HMGXB3: variants seen among roughly 807,000 people sequenced by gnomAD.
HMGXB3 encodes HMG domain-containing protein 3.
A neutral mutation model predicts 121.5 loss-of-function variants in HMGXB3; 45 were observed. The ratio of observed to expected loss-of-function variants is 0.37; its 90% CI spans 0.29 to 0.47. The LOEUF is 0.47. Ranked by LOEUF, HMGXB3 falls within the 20% of genes least tolerant of loss-of-function variation. The pLI is 0.99. For missense variants in HMGXB3, 1,376 were observed against 1,602.2 expected (o/e 0.86, Z 2.41); for synonymous variants, 590 against 624.1 (o/e 0.95, Z 0.81).
chr5:150,029,894 G>C (rs1036355394), intron 9 of HMGXB3, among the ~76,000 whole-genome samples: 2 of 152,184 alleles, frequency 1.3e-5, no homozygotes, highest in Non-Finnish European at 2.9e-5. Context: ...GAAGGTATCT[G>C]GTTAGCGTCG....
In HMGXB3 at chr5:150,032,599, C is replaced by T; in HGVS notation, c.1979C>T (p.Ala660Val). 1.3e-6 allele frequency: 2 copies of T among 1,552,270 alleles called. No homozygotes were observed. Among genetic ancestry groups the T allele is most frequent in the Non-Finnish European group, 1.7e-6 (2 of 1,147,112 alleles). The change falls in exon 11 of 20, where the codon GCT (alanine) becomes GTT (valine). Residue 660 changes from alanine to valine, a missense_variant. Around this residue, in one of 2 missense-constraint regions of HMGXB3, gnomAD observed 1,116 missense variants for 1,369.0 expected, o/e 0.82. Coordinates refer to ENST00000502717, the MANE Select transcript of HMGXB3 (RefSeq NM_014983.3). Reference sequence around the variant, plus strand: ...GACCGGACTGAGAAAACCACCAAGGCTATCGTGAGTTCCTTCCCCCAAACA... The same window carrying T: ...GACCGGACTGAGAAAACCACCAAGGTTATCGTGAGTTCCTTCCCCCAAACA... Reference protein sequence around the residue: ...AKDRTEKTTKAIEVSSPLPDV... With the variant: ...AKDRTEKTTKVIEVSSPLPDV...
At chr5:150,012,208 T>C in intron 4 of HMGXB3, 47 bp from the exon 5 acceptor site, 1 of 1,386,898 alleles carries the variant, frequency 7.2e-7, no homozygotes, top group Non-Finnish European at 1.0e-6. Context: ...TGGGTGTTCT[T>C]TATTACTCTG....
chr5:150,051,823 G>T lies in HMGXB3; in HGVS notation c.3510G>T (p.Arg1170=), dbSNP rs1290144618. 6.5e-7 allele frequency: 1 copy of T among 1,549,460 alleles called. No homozygotes were observed. ...IQHPVTKTAT[R]RIVHAGLQPN... is the part of the protein sequence containing the mutation. ...ACCCAGTCACCAAGACTGCCACGCG[G>T]CGCATCGTCCATGCAGGCCTACAGC... The change falls in exon 20 of 20, where the codon CGG becomes CGT. Residue 1170 remains arginine, a synonymous_variant. Coordinates refer to ENST00000502717, the MANE Select transcript of HMGXB3 (RefSeq NM_014983.3).
Position 150,011,822 on chromosome 5 carries a change from G to A in HMGXB3, c.811-433G>A, listed in dbSNP as rs527805332. ...ACATAGGGTTTCACCACGTTGGCCA[G>A]GCTGGTCTTGAACTCCTGACCTCAG... is the stretch of plus-strand genomic sequence containing the variant. On this transcript the variant is annotated intron_variant, in intron 4 of 19. Coordinates refer to ENST00000502717, the MANE Select transcript of HMGXB3 (RefSeq NM_014983.3). Among the ~76,000 whole-genome samples the A allele has an allele frequency of 9.9e-5, 15 of 152,074 alleles. No homozygotes were observed. The South Asian group carries it at 1.2e-3, about 13-fold the overall frequency.
At chr5:150,040,672 C>T in intron 13 of HMGXB3, 76 bp from the exon 14 acceptor site, 1 of 1,449,196 alleles carries the variant, frequency 6.9e-7, no homozygotes, top group Non-Finnish European at 9.2e-7. Context: ...GCCACCGCAC[C>T]CAGCTGGTGT....
intron 1 of HMGXB3, among the ~76,000 whole-genome samples, chr5:150,004,328 C>T (rs1250439826): frequency 6.6e-6 from 1 of 152,164 alleles, no homozygotes; most frequent in East Asian, 1.9e-4. Flanking sequence ...CACAAGCTGG[C>T]AGAGTATAAA....
At position 150,032,553 on chromosome 5, in the gene HMGXB3, T is replaced by C; in HGVS notation, c.1933T>C (p.Cys645Arg). The change falls in exon 11 of 20, where the codon TGT becomes CGT. Residue 645 changes from cysteine to arginine, a missense_variant. Coordinates refer to ENST00000502717, the MANE Select transcript of HMGXB3 (RefSeq NM_014983.3). ...NRHKPRICPS[C>R]GVNLAKDRTE... is the part of the protein sequence containing the mutation. ...GCACAAACCTCGAATTTGTCCCAGCTGTGGTGTTAACCTTGCCAAAGACCG... is the reference window on the plus strand; with the variant it reads ...GCACAAACCTCGAATTTGTCCCAGCCGTGGTGTTAACCTTGCCAAAGACCG... 6.4e-7 allele frequency: 1 copy of C among 1,552,276 alleles called. No homozygotes were observed. Among genetic ancestry groups the C allele is most frequent in the Non-Finnish European group, 8.7e-7 (1 of 1,147,106 alleles).
chr5:150,017,154 C>T (rs1755978246), intron 5 of HMGXB3, among the ~76,000 whole-genome samples: 1 of 152,148 alleles, frequency 6.6e-6, no homozygotes, highest in African/African-American at 2.4e-5. Flanking sequence ...ACTGAAACGT[C>T]ATCCTTGAAC....
At chr5:150,032,626 A>G (rs1177763377) in intron 11 of HMGXB3, 23 bp downstream of exon 11, 2 of 1,551,854 alleles carry the variant, frequency 1.3e-6, no homozygotes, top group African/African-American at 1.4e-5. Context: ...CCCCAAACAC[A>G]TCCCCTGGCC....
chr5:150,047,125 C>T (rs1319376505), intron 16 of HMGXB3, among the ~76,000 whole-genome samples: 1 of 151,968 alleles, frequency 6.6e-6, no homozygotes, highest in Non-Finnish European at 1.5e-5. Context: ...AACTTCTGAC[C>T]TCAGATAATC....
Position 150,012,359 on chromosome 5 carries a change from T to TA in HMGXB3, c.909+7dup, listed in dbSNP as rs1286570066. On this transcript the variant is annotated splice_region_variant and intron_variant, in intron 5 of 19. Transcript: ENST00000502717. ...ACCCCACCTCCATCAAACTGGTCAGTACTGTATGTGGGGGATTGATGGCAA... is the reference window on the plus strand; with the variant it reads ...ACCCCACCTCCATCAAACTGGTCAGTAACTGTATGTGGGGGATTGATGGCAA... The TA allele has an allele frequency of 3.2e-6, 5 of 1,541,608 alleles. No homozygotes were observed. The highest frequency in any genetic ancestry group is 1.4e-5 in the African/African-American group (1 of 72,842).
intron 15 of HMGXB3, among the ~76,000 whole-genome samples, chr5:150,043,266 A>G (rs1756679715): frequency 6.6e-6 from 1 of 152,176 alleles, no homozygotes; most frequent in Non-Finnish European, 1.5e-5. Context: ...AAAATCCCAT[A>G]GATTACTTTT....
chr5:150,030,682 G>A (rs1756351023), intron 9 of HMGXB3, 59 bp from the exon 10 acceptor site: 1 of 1,272,916 alleles, frequency 7.9e-7, no homozygotes. Flanking sequence ...TTCAGGACAT[G>A]GGAGCTCAGG....
intron 19 of HMGXB3, 103 bp downstream of exon 19, chr5:150,050,564 C>G: frequency 1.2e-6 from 1 of 852,086 alleles, no homozygotes; most frequent in South Asian, 1.6e-5. Context: ...TCACTGCAAC[C>G]TCTGCCTCCC....
In HMGXB3 at chr5:150,002,465, AGGT is replaced by A. The variant is rs771962596; in HGVS notation, c.-3+1288_-3+1290del. ...ATTTGTGGAGTGAGGTCTAAATGAG[AGGT>A]GTGTGGGCTTTGTACTGCACGTATC... is the stretch of plus-strand genomic sequence containing the variant. On this transcript the variant is annotated intron_variant, in intron 1 of 19. Transcript: ENST00000502717. Among the ~76,000 whole-genome samples, 24 of 152,260 alleles carry A rather than the reference AGGT, an allele frequency of 1.6e-4. No individual in the cohort carries two copies. The East Asian group carries it at 4.4e-3, about 28-fold the overall frequency.
Position 150,036,957 on chromosome 5 carries a change from GC to G in HMGXB3, c.2285+24del. 6.5e-7 allele frequency: 1 copy of G among 1,535,618 alleles called. No homozygotes were observed. Among genetic ancestry groups the G allele is most frequent in the Non-Finnish European group, 8.8e-7 (1 of 1,138,272 alleles). On this transcript the variant is annotated intron_variant, in intron 12 of 19. Coordinates refer to ENST00000502717, the MANE Select transcript of HMGXB3 (RefSeq NM_014983.3). ...ACAAAAGTAAGCACCCCTTAACTCTGCCCCTAGCTACCCCATCCCATTTGGC... is the reference window on the plus strand; with the variant it reads ...ACAAAAGTAAGCACCCCTTAACTCTGCCCTAGCTACCCCATCCCATTTGGC...
At chr5:150,034,904 T>A (rs995801812) in intron 11 of HMGXB3, among the ~76,000 whole-genome samples, 1 of 152,198 alleles carries the variant, frequency 6.6e-6, no homozygotes. Context: ...ACACACAGCC[T>A]CTCGGGGCAG....
intron 7 of HMGXB3, among the ~76,000 whole-genome samples, chr5:150,025,480 TG>T (rs1276149438): frequency 6.7e-6 from 1 of 148,956 alleles, no homozygotes; most frequent in Non-Finnish European, 1.5e-5. Flanking sequence ...TATGTATGTG[TG>T]TGTGTGTATA....
In HMGXB3 at chr5:150,052,071, A is replaced by G. The variant is rs571487140; in HGVS notation, c.3758A>G (p.Gln1253Arg). Residue 1253 changes from glutamine to arginine, a missense_variant, in exon 20 of 20, where the codon CAG becomes CGG. Physicochemically the swap from Gln to Arg is conservative, Grantham distance 43. This residue lies in a region of HMGXB3 where 260 missense variants were observed against 233.2 expected (regional missense o/e 1.11). Coordinates refer to ENST00000502717, the MANE Select transcript of HMGXB3 (RefSeq NM_014983.3). Reference sequence around the variant, plus strand: ...AATCGTCAGATCCATGACATTGTACAGAGCTGCCAGCCTGGTGAGGTGGTC... The same window carrying G: ...AATCGTCAGATCCATGACATTGTACGGAGCTGCCAGCCTGGTGAGGTGGTC... ...IVNRQIHDIV[Q>R]SCQPGEVVIR... 10 of 1,551,932 alleles carry G rather than the reference A, an allele frequency of 6.4e-6. No homozygotes were observed. In the African/African-American group the frequency reaches 8.2e-5, roughly 13 times the overall value.
Sources: allele counts gnomAD v4.1 joint callset (sites outside exome capture counted in the v4.1 genomes callset), GRCh38; gene constraint gnomAD v4.1.1; regional missense constraint gnomAD v4.1.1; transcripts MANE v1.5; gene names NCBI Gene and HGNC (gene_info 2026-07-23, HGNC 2026-07-21).